GNAT3: variants seen among roughly 807,000 people sequenced by gnomAD.
The protein encoded by GNAT3 is G protein subunit alpha transducin 3, also known as guanine nucleotide-binding protein G(t) subunit alpha-3.
GNAT3 carries 31 observed loss-of-function variants against 37.7 expected under a neutral mutation model. That is an observed-to-expected ratio of 0.82 (90% CI 0.62 to 1.11). GNAT3 has a LOEUF of 1.11. Among genes scored for constraint, GNAT3 ranks in the 50% most tolerant of loss-of-function variants. GNAT3 has a pLI of 0.00. For synonymous variants in GNAT3, 138 were observed against 139.8 expected, an observed-to-expected ratio of 0.99 and a Z score of 0.09; for missense variants, 437 against 412.5, an observed-to-expected ratio of 1.06 and a Z score of -0.51.
At chr7:80,463,691 G>A (rs958357103) in intron 5 of GNAT3, among the ~76,000 whole-genome samples, 7 of 151,714 alleles carry the variant, frequency 4.6e-5, no homozygotes, top group African/African-American at 1.7e-4. Context: ...ATCTGTATTA[G>A]TAACTGCTGT....
At chr7:80,489,551 C>G (rs1328615286) in intron 2 of GNAT3, among the ~76,000 whole-genome samples, 1 of 152,072 alleles carries the variant, frequency 6.6e-6, no homozygotes, top group Non-Finnish European at 1.5e-5. Flanking sequence ...ATAAACACCT[C>G]TTTAATGTCT....
chr7:80,473,048 A>C, intron 5 of GNAT3, among the ~76,000 whole-genome samples: 1 of 152,116 alleles, frequency 6.6e-6, no homozygotes, highest in East Asian at 1.9e-4. Context: ...CAGGGCCTCA[A>C]AGGAAAACCC....
chr7:80,482,689 ATT>A (rs71079119), intron 3 of GNAT3, among the ~76,000 whole-genome samples: 1,498 of 114,078 alleles, frequency 0.013, 32 homozygotes, highest in African/African-American at 0.042. Context: ...AATTTTTGTA[ATT>A]TTTTTTTTTT....
chr7:80,503,090 A>G (rs531257870), intron 1 of GNAT3, among the ~76,000 whole-genome samples: 31 of 152,278 alleles, frequency 2.0e-4, no homozygotes, highest in Non-Finnish European at 1.3e-4. Context: ...TTTTAGTTAC[A>G]TAGTTAAAAA....
intron 7 of GNAT3, among the ~76,000 whole-genome samples, chr7:80,460,755 A>AG (rs983236090): frequency 6.6e-6 from 1 of 151,924 alleles, no homozygotes; most frequent in African/African-American, 2.4e-5. Flanking sequence ...CTCAAGAAAA[A>AG]AAAAAAGATG....
intron 1 of GNAT3, among the ~76,000 whole-genome samples, chr7:80,505,673 A>G (rs947130030): frequency 2.0e-5 from 3 of 152,282 alleles, no homozygotes; most frequent in Admixed American, 6.5e-5. Flanking sequence ...GCAGAGAGCG[A>G]TATTTCTAGA....
intron 3 of GNAT3, 63 bp downstream of exon 3, chr7:80,488,472 C>T (rs1037609982): frequency 3.0e-6 from 4 of 1,335,290 alleles, no homozygotes; most frequent in African/African-American, 2.9e-5. Context: ...CTTATTAAGT[C>T]CTCTTATTTT....
chr7:80,502,215 G>A (rs1790846069), intron 1 of GNAT3, among the ~76,000 whole-genome samples: 1 of 151,900 alleles, frequency 6.6e-6, no homozygotes, highest in South Asian at 2.1e-4. Context: ...GATTTCACAG[G>A]TGTATACTTA....
At chr7:80,463,029 T>C (rs932823398) in intron 5 of GNAT3, among the ~76,000 whole-genome samples, 3 of 152,176 alleles carry the variant, frequency 2.0e-5, no homozygotes, top group Non-Finnish European at 4.4e-5. Flanking sequence ...TCTTGCCTAT[T>C]TTCTTAAGTC....
At chr7:80,492,922 A>G (rs924773979) in intron 2 of GNAT3, among the ~76,000 whole-genome samples, 1 of 151,916 alleles carries the variant, frequency 6.6e-6, no homozygotes, top group Non-Finnish European at 1.5e-5. Context: ...GGTTACACTA[A>G]AATACATTAT....
Position 80,474,262 on chromosome 7 carries a change from G to C in GNAT3, c.579C>G (p.Asp193Glu). 6.2e-7 allele frequency: 1 copy of C among 1,603,706 alleles called. No homozygotes were observed. Among genetic ancestry groups the C allele is most frequent in the African/African-American group, 1.3e-5 (1 of 74,884 alleles). Reference protein sequence around the residue: ...GIIETQFSFKDLHFRMFDVGG... With the variant: ...GIIETQFSFKELHFRMFDVGG... ...ATATTTGATCATACCTGAAGTGCAA[G>C]TCTTTAAAGGAGAATTGAGTTTCAA... Residue 193 changes from aspartate (D) to glutamate (E), a missense_variant, in exon 5 of 8, where the codon GAC (aspartate) becomes GAG (glutamate). Transcript: ENST00000398291.
At chr7:80,470,111 T>C (rs544572312) in intron 5 of GNAT3, among the ~76,000 whole-genome samples, 1 of 152,306 alleles carries the variant, frequency 6.6e-6, no homozygotes, top group East Asian at 1.9e-4. Context: ...ATGCCTTTAA[T>C]AACATTGTCT....
At chr7:80,511,582 C>G (rs1055918031) in intron 1 of GNAT3, among the ~76,000 whole-genome samples, 2 of 151,916 alleles carry the variant, frequency 1.3e-5, no homozygotes, top group African/African-American at 4.8e-5. Context: ...GAGAAATTAG[C>G]TGATAAATAT....
Position 80,497,633 on chromosome 7 carries a change from T to C in GNAT3, c.119-2986A>G, listed in dbSNP as rs987484750. ...GTATATACATATACGTATATACATA[T>C]ACGTATATACATATACGTATATACA... On this transcript the variant is annotated intron_variant, in intron 1 of 7. Coordinates refer to ENST00000398291, the MANE Select transcript of GNAT3 (RefSeq NM_001102386.3). 9.9e-4 allele frequency among the ~76,000 whole-genome samples: 108 copies of C among 109,174 alleles called. 1 individual carries two copies. The highest frequency in any genetic ancestry group is 4.6e-3 in the African/African-American group (95 of 20,758). 71.6% of individuals were successfully genotyped at this position (109,174 alleles called of 152,430 possible).
intron 1 of GNAT3, among the ~76,000 whole-genome samples, chr7:80,509,789 G>C (rs893882843): frequency 2.6e-4 from 39 of 152,072 alleles, no homozygotes; most frequent in Middle Eastern, 6.8e-3. Flanking sequence ...CCAATTTTCA[G>C]TGATGTGTTT....
At chr7:80,490,739 T>C (rs934746811) in intron 2 of GNAT3, among the ~76,000 whole-genome samples, 6 of 152,194 alleles carry the variant, frequency 3.9e-5, no homozygotes, top group Non-Finnish European at 8.8e-5. Context: ...ATTTTATAAG[T>C]AAGAAATGTC....
rs143541169 is a variant in GNAT3, at chr7:80,479,245, T to C, written c.304-247A>G. ...GAAGAAATTAGCATATTTTGAAATATGTCACTGACTTCTGAATATGATATC... is the reference window on the plus strand; with the variant it reads ...GAAGAAATTAGCATATTTTGAAATACGTCACTGACTTCTGAATATGATATC... On this transcript the variant is annotated intron_variant, in intron 3 of 7. Coordinates refer to ENST00000398291, the MANE Select transcript of GNAT3 (RefSeq NM_001102386.3). 4.5e-3 allele frequency among the ~76,000 whole-genome samples: 689 copies of C among 152,278 alleles called. 18 individuals are homozygous for C. The highest frequency in any genetic ancestry group is 0.038 in the Admixed American group (586 of 15,272).
At chr7:80,465,831 T>G (rs1264233988) in intron 5 of GNAT3, among the ~76,000 whole-genome samples, 1 of 152,126 alleles carries the variant, frequency 6.6e-6, no homozygotes, top group Non-Finnish European at 1.5e-5. Flanking sequence ...GCATTTCAGA[T>G]GTAGTACATA....
At chr7:80,510,321 G>T (rs757115717) in intron 1 of GNAT3, among the ~76,000 whole-genome samples, 1 of 152,006 alleles carries the variant, frequency 6.6e-6, no homozygotes, top group Non-Finnish European at 1.5e-5. Flanking sequence ...CTTTCCATTT[G>T]TATTTTTACA....
Sources: allele counts gnomAD v4.1 joint callset (sites outside exome capture counted in the v4.1 genomes callset), GRCh38; gene constraint gnomAD v4.1.1; transcripts MANE v1.5; gene names NCBI Gene and HGNC (gene_info 2026-07-23, HGNC 2026-07-21).